FAM117B: variants seen among roughly 807,000 people sequenced by gnomAD.
FAM117B encodes the protein family with sequence similarity 117 member B, also known as protein FAM117B.
In FAM117B, 22 loss-of-function variants were observed where a neutral mutation model predicts 52.8. The ratio of observed to expected loss-of-function variants is 0.42; its 90% CI spans 0.30 to 0.59. The LOEUF (loss-of-function observed/expected upper bound fraction) is 0.59. Ranked by LOEUF, FAM117B falls within the 20% of genes least tolerant of loss-of-function variation. The pLI is 0.22. For missense variants in FAM117B, 678 were observed against 802.6 expected, an observed-to-expected ratio of 0.84 and a Z score of 1.88; for synonymous variants, 309 against 324.1, an observed-to-expected ratio of 0.95 and a Z score of 0.50.
At chr2:202,699,426 CAAAAA>C (rs751190825) in intron 2 of FAM117B, among the ~76,000 whole-genome samples, 2 of 17,914 alleles carry the variant, frequency 1.1e-4, no homozygotes, top group African/African-American at 3.6e-4. Context: ...GACCCCATCT[CAAAAA>C]AAAAAAAAAA....
chr2:202,646,848 A>T (rs12466268), intron 1 of FAM117B, among the ~76,000 whole-genome samples: 2 of 151,950 alleles, frequency 1.3e-5, no homozygotes, highest in South Asian at 4.1e-4. Context: ...ACCTTGTTTA[A>T]GTGATAACAA....
At chr2:202,640,295 A>AATATATATATATATATATAT (rs539187347) in intron 1 of FAM117B, among the ~76,000 whole-genome samples, 5 of 51,312 alleles carry the variant, frequency 9.7e-5, no homozygotes, top group African/African-American at 1.7e-4. Flanking sequence ...ACCACCACAA[A>AATATATATATATATATATAT]ATATATATAT....
At chr2:202,745,279 CA>C (rs199723740) in intron 4 of FAM117B, among the ~76,000 whole-genome samples, 11,935 of 115,246 alleles carry the variant, frequency 0.1, 1,372 homozygotes, top group African/African-American at 0.31. Flanking sequence ...GACTCTGTGT[CA>C]AAAAAAAAAA....
chr2:202,766,080 A>G lies in FAM117B; in HGVS notation c.*316A>G. ...CTTTAAAACACACACACACACACAC[A>G]CACACACACACACACACACACACAC... On this transcript the variant is annotated 3_prime_UTR_variant, in exon 8 of 8. Transcript: ENST00000392238. 1 of 228,394 alleles carries G rather than the reference A, an allele frequency of 4.4e-6. No homozygotes were observed. Among genetic ancestry groups the G allele is most frequent in the Non-Finnish European group, 8.7e-6 (1 of 115,474 alleles). 14.1% of individuals were successfully genotyped at this position (228,394 alleles called of 1,614,324 possible).
intron 1 of FAM117B, 41 bp from the exon 2 acceptor site, chr2:202,695,840 T>C (rs2105776626): frequency 1.9e-6 from 3 of 1,540,190 alleles, no homozygotes; most frequent in South Asian, 1.2e-5. Flanking sequence ...TTTGTTTCTT[T>C]CCTAATTTTA....
intron 1 of FAM117B, among the ~76,000 whole-genome samples, chr2:202,646,406 A>C (rs1333586190): frequency 1.3e-5 from 2 of 152,262 alleles, no homozygotes; most frequent in Non-Finnish European, 2.9e-5. Flanking sequence ...TACTCTAGAA[A>C]GAAGACGCAG....
intron 1 of FAM117B, among the ~76,000 whole-genome samples, chr2:202,644,357 C>T (rs909873757): frequency 3.9e-5 from 6 of 152,052 alleles, no homozygotes; most frequent in African/African-American, 1.4e-4. Context: ...ACAAATTTAT[C>T]CCTAAGAAAG....
At chr2:202,709,508 T>G (rs1212073817) in intron 2 of FAM117B, among the ~76,000 whole-genome samples, 3 of 152,184 alleles carry the variant, frequency 2.0e-5, no homozygotes, top group Non-Finnish European at 4.4e-5. Context: ...GGCCAGCCCA[T>G]TTTTTAATTA....
chr2:202,675,265 GT>G (rs1238127423), intron 1 of FAM117B, among the ~76,000 whole-genome samples: 1 of 151,374 alleles, frequency 6.6e-6, no homozygotes, highest in Non-Finnish European at 1.5e-5. Flanking sequence ...TGAGCAACAG[GT>G]GATTCTCTGT....
At chr2:202,761,867 G>A (rs1691895305) in intron 7 of FAM117B, among the ~76,000 whole-genome samples, 2 of 151,986 alleles carry the variant, frequency 1.3e-5, no homozygotes, top group African/African-American at 4.8e-5. Context: ...TTAGTAGAAG[G>A]TAAACCTATT....
chr2:202,658,571 G>A (rs1010608367), intron 1 of FAM117B, among the ~76,000 whole-genome samples: 2 of 152,062 alleles, frequency 1.3e-5, no homozygotes, highest in Non-Finnish European at 2.9e-5. Flanking sequence ...CAAGGTGTTG[G>A]GATTACAGGT....
At chr2:202,743,272 C>CA (rs1691577453) in intron 4 of FAM117B, among the ~76,000 whole-genome samples, 1 of 152,184 alleles carries the variant, frequency 6.6e-6, no homozygotes, top group Non-Finnish European at 1.5e-5. Context: ...CTGAGAAACT[C>CA]AGAGACACCA....
At chr2:202,642,715 T>G (rs1574537766) in intron 1 of FAM117B, among the ~76,000 whole-genome samples, 1 of 152,360 alleles carries the variant, frequency 6.6e-6, no homozygotes, top group Non-Finnish European at 1.5e-5. Flanking sequence ...AGGACTCATT[T>G]ATTGCAGTTC....
chr2:202,699,864 T>A (rs1277480942), intron 2 of FAM117B, among the ~76,000 whole-genome samples: 1 of 152,236 alleles, frequency 6.6e-6, no homozygotes, highest in African/African-American at 2.4e-5. Context: ...AAAAATGTGC[T>A]CACTTTGTGT....
intron 4 of FAM117B, among the ~76,000 whole-genome samples, chr2:202,736,156 T>A (rs1409476641): frequency 1.1e-4 from 16 of 152,234 alleles, no homozygotes; most frequent in Non-Finnish European, 1.9e-4. Flanking sequence ...ATTACTGCCC[T>A]ACACTAAAAT....
intron 1 of FAM117B, among the ~76,000 whole-genome samples, chr2:202,675,265 G>A (rs1690360480): frequency 6.6e-6 from 1 of 151,374 alleles, no homozygotes; most frequent in Non-Finnish European, 1.5e-5. Flanking sequence ...TGAGCAACAG[G>A]TGATTCTCTG....
At chr2:202,758,486 C>T (rs1691837151) in intron 6 of FAM117B, among the ~76,000 whole-genome samples, 2 of 152,154 alleles carry the variant, frequency 1.3e-5, no homozygotes, top group Admixed American at 1.3e-4. Flanking sequence ...GCTGGTTGGC[C>T]TCTGTGAATT....
intron 1 of FAM117B, among the ~76,000 whole-genome samples, chr2:202,639,937 G>T (rs1334544767): frequency 6.6e-6 from 1 of 151,928 alleles, no homozygotes; most frequent in African/African-American, 2.4e-5. Flanking sequence ...GTAGTCTGTG[G>T]TTCATCTGTA....
At chr2:202,636,968 C>T (rs13402773) in intron 1 of FAM117B, among the ~76,000 whole-genome samples, 12,438 of 152,228 alleles carry the variant, frequency 0.082, 1,687 homozygotes, top group African/African-American at 0.28. Flanking sequence ...TACACGATCT[C>T]GGCTTACTGC....
Sources: allele counts gnomAD v4.1 joint callset (sites outside exome capture counted in the v4.1 genomes callset), GRCh38; gene constraint gnomAD v4.1.1; transcripts MANE v1.5; gene names NCBI Gene and HGNC (gene_info 2026-07-23, HGNC 2026-07-21).